Variants in NRG3 observed in about 807,000 individuals in gnomAD.
The protein encoded by NRG3 is pro-neuregulin-3, membrane-bound isoform.
Under a neutral mutation model 66.9 loss-of-function variants are expected in NRG3, and 31 were observed. That is an observed-to-expected ratio of 0.46 (90% CI 0.35 to 0.63). The LOEUF is 0.63. Ranked by LOEUF, NRG3 falls within the 20% of genes least tolerant of loss-of-function variation. The probability of loss-of-function intolerance (pLI) is 0.00; values close to 1 mark genes in which losing one functional copy is unlikely to be tolerated. For missense variants in NRG3, 910 were observed against 878.9 expected, an observed-to-expected ratio of 1.04 and a Z score of -0.45; for synonymous variants, 393 against 359.4, an observed-to-expected ratio of 1.09 and a Z score of -1.06.
intron 2 of NRG3, among the ~76,000 whole-genome samples, chr10:82,703,221 TA>T (rs2056032307): frequency 1.3e-5 from 2 of 152,114 alleles, no homozygotes; most frequent in African/African-American, 4.8e-5. Flanking sequence ...TTGTATGAGA[TA>T]TTTTTAGGGG....
intron 2 of NRG3, among the ~76,000 whole-genome samples, chr10:82,554,228 A>G (rs971024899): frequency 6.6e-6 from 1 of 152,166 alleles, no homozygotes; most frequent in South Asian, 2.1e-4. Context: ...CAGTAGGGTG[A>G]CTATCACGGA....
intron 2 of NRG3, among the ~76,000 whole-genome samples, chr10:82,569,794 A>G (rs1347824474): frequency 6.6e-6 from 1 of 151,632 alleles, no homozygotes; most frequent in East Asian, 1.9e-4. Flanking sequence ...AAATATTTAT[A>G]TCCTGTCAAA....
intron 4 of NRG3, among the ~76,000 whole-genome samples, chr10:82,914,801 G>C (rs1041663044): frequency 2.6e-5 from 4 of 151,528 alleles, no homozygotes; most frequent in Non-Finnish European, 4.4e-5. Context: ...AGCTAGAGAG[G>C]TTTCAAATTA....
intron 3 of NRG3, among the ~76,000 whole-genome samples, chr10:82,822,258 T>A (rs1212339146): frequency 6.6e-6 from 1 of 152,000 alleles, no homozygotes. Flanking sequence ...ATTCCAGAAC[T>A]CTGAGTCCAA....
chr10:82,939,359 C>T (rs1054307551), intron 4 of NRG3, among the ~76,000 whole-genome samples: 2 of 152,142 alleles, frequency 1.3e-5, no homozygotes, highest in Admixed American at 6.5e-5. Context: ...CATCTAAAAG[C>T]ATTTTGCGTA....
intron 1 of NRG3, among the ~76,000 whole-genome samples, chr10:82,305,903 G>A (rs933043687): frequency 3.9e-5 from 6 of 152,210 alleles, no homozygotes; most frequent in Admixed American, 1.3e-4. Flanking sequence ...GGTGACTGGG[G>A]ATATTGTTTT....
At chr10:82,482,839 G>A (rs532155738) in intron 2 of NRG3, among the ~76,000 whole-genome samples, 4 of 152,272 alleles carry the variant, frequency 2.6e-5, no homozygotes, top group Non-Finnish European at 4.4e-5. Flanking sequence ...GATTGTGGTT[G>A]ATAATGATGT....
intron 1 of NRG3, among the ~76,000 whole-genome samples, chr10:82,186,728 T>A (rs908993244): frequency 6.6e-6 from 1 of 152,152 alleles, no homozygotes; most frequent in African/African-American, 2.4e-5. Flanking sequence ...TAGACAAACA[T>A]CTATGGGCTT....
At chr10:82,354,194 C>T (rs941666194) in intron 1 of NRG3, among the ~76,000 whole-genome samples, 2 of 146,826 alleles carry the variant, frequency 1.4e-5, no homozygotes, top group Non-Finnish European at 3.0e-5. Context: ...GCCACCATGC[C>T]CAAATAATTT....
At chr10:82,118,088 T>C (rs1334595931) in intron 1 of NRG3, among the ~76,000 whole-genome samples, 1 of 152,040 alleles carries the variant, frequency 6.6e-6, no homozygotes, top group East Asian at 1.9e-4. Context: ...CTTGGAACCC[T>C]CACTTCCTGA....
At chr10:82,047,160 G>T (rs1394993719) in intron 1 of NRG3, among the ~76,000 whole-genome samples, 3 of 151,500 alleles carry the variant, frequency 2.0e-5, no homozygotes, top group African/African-American at 7.3e-5. Context: ...GTTCCTCCTT[G>T]TACCTCTGGT....
chr10:82,725,275 G>A (rs531959214), intron 2 of NRG3, among the ~76,000 whole-genome samples: 6 of 152,250 alleles, frequency 3.9e-5, no homozygotes, highest in Admixed American at 2.0e-4. Context: ...TTTACCTGGC[G>A]ATTCACCAAA....
intron 4 of NRG3, among the ~76,000 whole-genome samples, chr10:82,877,865 C>A (rs2136036206): frequency 6.6e-6 from 1 of 152,242 alleles, no homozygotes; most frequent in East Asian, 1.9e-4. Flanking sequence ...ATGTGGAAAA[C>A]ATTAGGTTCT....
chr10:82,742,029 C>T (rs1266627942), intron 3 of NRG3, among the ~76,000 whole-genome samples: 3 of 152,020 alleles, frequency 2.0e-5, no homozygotes, highest in South Asian at 4.1e-4. Flanking sequence ...ACTGTATGCT[C>T]AGGAAATAAG....
intron 1 of NRG3, among the ~76,000 whole-genome samples, chr10:82,097,596 G>T (rs564620583): frequency 6.6e-6 from 1 of 151,638 alleles, no homozygotes; most frequent in South Asian, 2.1e-4. Context: ...GCTTTTGGGT[G>T]AACATACAGT....
chr10:82,594,321 T>C (rs542938308), intron 2 of NRG3, among the ~76,000 whole-genome samples: 2 of 152,302 alleles, frequency 1.3e-5, no homozygotes, highest in African/African-American at 2.4e-5. Context: ...GCCTATCCAG[T>C]TTTAATATGG....
intron 1 of NRG3, among the ~76,000 whole-genome samples, chr10:82,042,882 G>C (rs1481431694): frequency 1.3e-5 from 2 of 151,974 alleles, no homozygotes; most frequent in Admixed American, 6.6e-5. Context: ...AAAACCTTTT[G>C]AGTAATAATT....
At position 82,329,406 on chromosome 10, in the gene NRG3, T is replaced by A. The variant is rs542199783; in HGVS notation, c.824-29333T>A. ...AAATGAGTGCTAAGTTTTTTTGTTT[T>A]GTTGTTTGTTTGGTGGGTTTTTCCT... On this transcript the variant is annotated intron_variant, in intron 1 of 8. Coordinates refer to ENST00000372141, the MANE Select transcript of NRG3 (RefSeq NM_001010848.4). Among the ~76,000 whole-genome samples the A allele has an allele frequency of 7.3e-3, 1,058 of 144,616 alleles. 14 individuals are homozygous for A. Among genetic ancestry groups the A allele is most frequent in the African/African-American group, 0.028 (1,009 of 36,264 alleles). 94.9% of individuals were successfully genotyped at this position (144,616 alleles called of 152,430 possible).
At chr10:82,290,984 A>G (rs571629292) in intron 1 of NRG3, among the ~76,000 whole-genome samples, 2 of 152,096 alleles carry the variant, frequency 1.3e-5, no homozygotes, top group African/African-American at 4.8e-5. Flanking sequence ...ACACAAACAC[A>G]CACACATACA....
Sources: allele counts gnomAD v4.1 joint callset (sites outside exome capture counted in the v4.1 genomes callset), GRCh38; gene constraint gnomAD v4.1.1; transcripts MANE v1.5; gene names NCBI Gene and HGNC (gene_info 2026-07-23, HGNC 2026-07-21).